Variants in DUSP22 observed in about 807,000 individuals in gnomAD.
DUSP22 encodes dual specificity phosphatase 22, also known as dual specificity protein phosphatase 22.
In DUSP22, 24 loss-of-function variants were observed where a neutral mutation model predicts 24.5. The observed-to-expected ratio is 0.98, with a 90% CI of 0.71 to 1.38. The LOEUF (loss-of-function observed/expected upper bound fraction) is 1.38, where lower values mean the gene tolerates loss of function less well. Among genes scored for constraint, DUSP22 ranks in the 40% most tolerant of loss-of-function variants. The pLI, the probability that DUSP22 is intolerant of heterozygous loss-of-function variation, is 0.00. For synonymous variants in DUSP22, 160 were observed against 106.4 expected (o/e 1.50, Z -3.10); for missense variants, 330 against 269.2 (o/e 1.23, Z -1.58).
At position 349,649 on chromosome 6, in the gene DUSP22, G is replaced by C. The variant is rs1184416574; in HGVS notation, c.*698G>C. 1.8e-5 allele frequency: 18 copies of C among 986,312 alleles called. No individual in the cohort carries two copies. The highest frequency in any genetic ancestry group is 2.2e-5 in the Non-Finnish European group (18 of 830,676). The allele number at this position is 986,312 out of a possible 1,614,324, so 61.1% of individuals were successfully genotyped here. ...AAAACGTGAGAGACTGCCCTGAGCT[G>C]GTCCAGTGGGCCAGCACTTTATACC... On this transcript the variant is annotated 3_prime_UTR_variant, in exon 7 of 7. Transcript: ENST00000419235.
Position 349,787 on chromosome 6 carries a change from T to G in DUSP22, c.*836T>G. ...GGCCACTTTTCAGCCCATCGAGCCC[T>G]GAGTTCTACTTGGTGTTTGTTCTCT... On this transcript the variant is annotated 3_prime_UTR_variant, in exon 7 of 7. Coordinates refer to ENST00000419235, the MANE Select transcript of DUSP22 (RefSeq NM_001286555.3). 1 of 985,958 alleles carries G rather than the reference T, an allele frequency of 1.0e-6. No homozygotes were observed. Among genetic ancestry groups the G allele is most frequent in the Non-Finnish European group, 1.2e-6 (1 of 830,264 alleles). The allele number at this position is 985,958 out of a possible 1,614,324, so 61.1% of individuals were successfully genotyped here. A position where few individuals can be genotyped will look rare whatever the true frequency, so the allele number is the denominator to read the frequency against.
intron 1 of DUSP22, among the ~76,000 whole-genome samples, chr6:296,243 G>C (rs1227283957): frequency 6.6e-6 from 1 of 152,300 alleles, no homozygotes; most frequent in Non-Finnish European, 1.5e-5. Flanking sequence ...CCCCACACTG[G>C]CCAAAATTAT....
intron 3 of DUSP22, among the ~76,000 whole-genome samples, chr6:331,368 G>C (rs1759131771): frequency 6.6e-6 from 1 of 152,308 alleles, no homozygotes; most frequent in Non-Finnish European, 1.5e-5. Context: ...CTGTACTAAT[G>C]GAAACATTGC....
intron 3 of DUSP22, among the ~76,000 whole-genome samples, chr6:322,261 C>T (rs537455029): frequency 2.0e-5 from 3 of 152,424 alleles, no homozygotes; most frequent in African/African-American, 7.2e-5. Flanking sequence ...CCTCCAGCGT[C>T]TTGCTTTTAT....
chr6:349,061 G>T lies in DUSP22; in HGVS notation c.*110G>T. On this transcript the variant is annotated 3_prime_UTR_variant, in exon 7 of 7. Coordinates refer to ENST00000419235, the MANE Select transcript of DUSP22 (RefSeq NM_001286555.3). ...GACAGGAAAGGGAGATAGCCAGGGCGAGGTGGGGCGAGGGCTCCTTCCCCC... is the reference window on the plus strand; with the variant it reads ...GACAGGAAAGGGAGATAGCCAGGGCTAGGTGGGGCGAGGGCTCCTTCCCCC... 25 of 1,484,200 alleles carry T rather than the reference G, an allele frequency of 1.7e-5. No homozygotes were observed. Among genetic ancestry groups the T allele is most frequent in the Non-Finnish European group, 2.1e-5 (24 of 1,117,286 alleles). The allele number at this position is 1,484,200 out of a possible 1,614,324, so 91.9% of individuals were successfully genotyped here.
intron 3 of DUSP22, among the ~76,000 whole-genome samples, chr6:329,309 G>A (rs942192958): frequency 1.3e-5 from 2 of 152,308 alleles, no homozygotes; most frequent in South Asian, 2.1e-4. Context: ...CAAGGGCTGC[G>A]AGGAATGAGG....
intron 3 of DUSP22, among the ~76,000 whole-genome samples, chr6:312,932 C>T (rs957373126): frequency 7.9e-5 from 12 of 151,792 alleles, no homozygotes; most frequent in African/African-American, 2.4e-4. Context: ...TCCAGATCTC[C>T]GAGCTCCTAC....
chr6:298,116 C>A (rs950169037), intron 1 of DUSP22, among the ~76,000 whole-genome samples: 1 of 152,308 alleles, frequency 6.6e-6, no homozygotes, highest in Non-Finnish European at 1.5e-5. Context: ...TACACCACCC[C>A]CCGAGGGCTC....
intron 4 of DUSP22, among the ~76,000 whole-genome samples, chr6:340,592 T>C (rs1759564511): frequency 6.6e-6 from 1 of 152,312 alleles, no homozygotes; most frequent in Non-Finnish European, 1.5e-5. Context: ...AGATTTCTTA[T>C]ATATAAGGAT....
intron 4 of DUSP22, among the ~76,000 whole-genome samples, chr6:335,664 C>T (rs1418151145): frequency 2.6e-5 from 4 of 152,300 alleles, no homozygotes; most frequent in Admixed American, 6.5e-5. Flanking sequence ...GATATGTACT[C>T]AATATAAAAA....
chr6:318,516 C>A (rs1197814945), intron 3 of DUSP22, among the ~76,000 whole-genome samples: 1 of 152,258 alleles, frequency 6.6e-6, no homozygotes, highest in African/African-American at 2.4e-5. Context: ...GTGACCACAG[C>A]AGGCCTCAGC....
At chr6:315,197 A>G (rs41422744) in intron 3 of DUSP22, among the ~76,000 whole-genome samples, 13,798 of 148,364 alleles carry the variant, frequency 0.093, 36 homozygotes, top group East Asian at 0.31. Context: ...AGATCTTAGA[A>G]ACGTAATAGA....
intron 4 of DUSP22, among the ~76,000 whole-genome samples, chr6:339,306 A>G (rs1160822335): frequency 6.6e-6 from 1 of 152,308 alleles, no homozygotes; most frequent in Non-Finnish European, 1.5e-5. Flanking sequence ...TCATCTGTAA[A>G]ATGCCTATCT....
At chr6:297,648 C>T (rs1316661746) in intron 1 of DUSP22, among the ~76,000 whole-genome samples, 13 of 152,304 alleles carry the variant, frequency 8.5e-5, no homozygotes. Flanking sequence ...GCAGATATCC[C>T]CTGGGGAGTG....
chr6:343,957 T>C (rs991110445), intron 4 of DUSP22, among the ~76,000 whole-genome samples: 1 of 152,310 alleles, frequency 6.6e-6, no homozygotes, highest in Admixed American at 6.5e-5. Context: ...ATGGGCAACT[T>C]TTGCTGTTTT....
intron 6 of DUSP22, 64 bp downstream of exon 6, chr6:348,338 T>C (rs1371651410): frequency 6.2e-7 from 1 of 1,600,762 alleles, no homozygotes; most frequent in Non-Finnish European, 8.5e-7. Context: ...CCCACAGTCT[T>C]TCCGTACACA....
chr6:327,003 T>C (rs895410790), intron 3 of DUSP22, among the ~76,000 whole-genome samples: 1 of 152,308 alleles, frequency 6.6e-6, no homozygotes, highest in Admixed American at 6.5e-5. Flanking sequence ...ATTTGGGGCT[T>C]TGGGGACTTC....
chr6:302,258 C>G (rs1757613573), intron 1 of DUSP22, among the ~76,000 whole-genome samples: 1 of 152,310 alleles, frequency 6.6e-6, no homozygotes, highest in Non-Finnish European at 1.5e-5. Context: ...GTCTTCCTCA[C>G]AGCCCCACAC....
chr6:351,183 A>G lies in DUSP22; in HGVS notation c.*2232A>G, dbSNP rs1392632010. On this transcript the variant is annotated 3_prime_UTR_variant, in exon 7 of 7. Transcript: ENST00000419235. ...TGATTGCTTCCTGTGAACGCCTCCCAAGGACGAGCCCAGTGTAGTTGTGTG... is the reference window on the plus strand; with the variant it reads ...TGATTGCTTCCTGTGAACGCCTCCCGAGGACGAGCCCAGTGTAGTTGTGTG... 6.9e-6 allele frequency: 3 copies of G among 434,712 alleles called. No homozygotes were observed. The highest frequency in any genetic ancestry group is 7.7e-5 in the Admixed American group (2 of 25,934). 26.9% of individuals were successfully genotyped at this position (434,712 alleles called of 1,614,324 possible). A position where few individuals can be genotyped will look rare whatever the true frequency, so the allele number is the denominator to read the frequency against.
Sources: gnomAD v4.1 joint callset for allele counts (sites outside exome capture counted in the v4.1 genomes callset) on GRCh38, gnomAD v4.1.1 for gene constraint, MANE v1.5 for transcripts, NCBI Gene and HGNC (gene_info 2026-07-23, HGNC 2026-07-21) for gene names.